DZIP1L: variants seen among roughly 807,000 people sequenced by gnomAD.
DZIP1L encodes the protein DAZ interacting zinc finger protein 1 like.
A neutral mutation model predicts 88.7 loss-of-function variants in DZIP1L; 90 were observed. The ratio of observed to expected loss-of-function variants is 1.02; its 90% CI spans 0.86 to 1.21. The LOEUF is 1.21. Among genes scored for constraint, DZIP1L ranks in the 50% most tolerant of loss-of-function variants. The pLI is 0.00. For missense variants in DZIP1L, 932 were observed against 955.8 expected, an observed-to-expected ratio of 0.98 and a Z score of 0.33; for synonymous variants, 363 against 372.1, an observed-to-expected ratio of 0.98 and a Z score of 0.28.
chr3:138,077,670 C>T, intron 10 of DZIP1L, 38 bp from the exon 11 acceptor site: 1 of 1,609,626 alleles, frequency 6.2e-7, no homozygotes, highest in Non-Finnish European at 8.5e-7. Flanking sequence ...AGCCTGGGCA[C>T]CTGAGTTCTC....
chr3:138,091,504 G>C (rs1304486090), intron 5 of DZIP1L, among the ~76,000 whole-genome samples: 2 of 151,546 alleles, frequency 1.3e-5, no homozygotes, highest in Admixed American at 6.6e-5. Flanking sequence ...TGTAATCCCA[G>C]TTACTCCGGA....
intron 12 of DZIP1L, among the ~76,000 whole-genome samples, chr3:138,068,652 A>G (rs1034299798): frequency 6.6e-6 from 1 of 152,128 alleles, no homozygotes; most frequent in African/African-American, 2.4e-5. Flanking sequence ...GCGGGCCTGA[A>G]GAGGGGCTCA....
intron 7 of DZIP1L, among the ~76,000 whole-genome samples, chr3:138,085,208 T>C (rs1258617103): frequency 6.6e-6 from 1 of 152,232 alleles, no homozygotes; most frequent in African/African-American, 2.4e-5. Flanking sequence ...AAGGACTTCA[T>C]GTCTAAAACA....
chr3:138,101,610 G>A, intron 2 of DZIP1L: 1 of 796,516 alleles, frequency 1.3e-6, no homozygotes, highest in African/African-American at 1.7e-5. Context: ...AGCCAAAGCT[G>A]GAGCCCAGGC....
Position 138,102,304 on chromosome 3 carries a change from T to C in DZIP1L, c.501+1167A>G, listed in dbSNP as rs902078828. 8.6e-6 allele frequency: 12 copies of C among 1,389,274 alleles called. No homozygotes were observed. The African/African-American group carries it at 1.1e-4, about 13-fold the overall frequency. 86.1% of individuals were successfully genotyped at this position (1,389,274 alleles called of 1,614,324 possible). A position where few individuals can be genotyped will look rare whatever the true frequency, so the allele number is the denominator to read the frequency against. On this transcript the variant is annotated intron_variant, in intron 2 of 15. Coordinates refer to ENST00000327532, the MANE Select transcript of DZIP1L (RefSeq NM_173543.3). ...CGAGACTCCAGCTCTACCTTATTCATGTAAGCTTCATCCACATCTTTCTCG... is the reference window on the plus strand; with the variant it reads ...CGAGACTCCAGCTCTACCTTATTCACGTAAGCTTCATCCACATCTTTCTCG...
chr3:138,102,491 A>G, intron 2 of DZIP1L: 1 of 1,349,416 alleles, frequency 7.4e-7, no homozygotes. Flanking sequence ...TTGTTGATGT[A>G]GCTCTGAACA....
intron 5 of DZIP1L, among the ~76,000 whole-genome samples, chr3:138,090,277 A>G (rs116341213): frequency 0.019 from 2,907 of 152,310 alleles, 97 homozygotes; most frequent in African/African-American, 0.066. Context: ...ACCAAAACTC[A>G]TAATTTTCTG....
intron 11 of DZIP1L, among the ~76,000 whole-genome samples, chr3:138,074,824 C>T (rs1943331605): frequency 6.6e-6 from 1 of 151,140 alleles, no homozygotes; most frequent in African/African-American, 2.4e-5. Flanking sequence ...ATGTAAATGG[C>T]CTAAATATTC....
chr3:138,091,558 C>T (rs1156607167), intron 5 of DZIP1L, among the ~76,000 whole-genome samples: 2 of 144,742 alleles, frequency 1.4e-5, no homozygotes, highest in Non-Finnish European at 3.0e-5. Flanking sequence ...ACGGAAGTTG[C>T]GGTGAGCCGA....
intron 13 of DZIP1L, 79 bp from the exon 14 acceptor site, chr3:138,067,779 A>G (rs1234844565): frequency 1.4e-6 from 2 of 1,453,766 alleles, no homozygotes; most frequent in Non-Finnish European, 9.1e-7. Context: ...CCACGCTTCA[A>G]GCTGGTTTGG....
chr3:138,068,425 A>T, intron 12 of DZIP1L, 58 bp from the exon 13 acceptor site: 1 of 1,348,164 alleles, frequency 7.4e-7, no homozygotes, highest in Middle Eastern at 1.9e-4. Flanking sequence ...CTCAAGCCTA[A>T]GAGGAGGGAG....
chr3:138,067,550 C>A lies in DZIP1L; in HGVS notation c.1983G>T (p.Gln661His). ...SDTETSEENA[Q>H]PPGQGSGTLV... is the part of the protein sequence containing the mutation. Reference sequence around the variant, plus strand: ...GCTCACCTGAGCCCTGGCCAGGGGGCTGGGCATTCTCCTCCGAGGTCTCTG... The same window carrying A: ...GCTCACCTGAGCCCTGGCCAGGGGGATGGGCATTCTCCTCCGAGGTCTCTG... Residue 661 changes from glutamine to histidine, a missense_variant, in exon 14 of 16, where the codon CAG (glutamine) becomes CAT (histidine). Physicochemically the swap from Gln to His is conservative, Grantham distance 24. Coordinates refer to ENST00000327532, the MANE Select transcript of DZIP1L (RefSeq NM_173543.3). The A allele has an allele frequency of 3.7e-6, 6 of 1,608,154 alleles. No individual in the cohort carries two copies. Among genetic ancestry groups the A allele is most frequent in the Non-Finnish European group, 5.1e-6 (6 of 1,177,496 alleles).
intron 2 of DZIP1L, chr3:138,101,928 G>A (rs1416702879): frequency 9.5e-6 from 14 of 1,477,336 alleles, no homozygotes; most frequent in South Asian, 3.4e-5. Flanking sequence ...CGGCATCTGC[G>A]ATGCCCTCTG....
In DZIP1L at chr3:138,092,127, G is replaced by A. The variant is rs532669096; in HGVS notation, c.870+256C>T. ...ATGTACTAATTTAACCCTCTCAGTA[G>A]CCTATCTTACAGAAATAAAACTGAG... On this transcript the variant is annotated intron_variant, in intron 5 of 15. Coordinates refer to ENST00000327532, the MANE Select transcript of DZIP1L (RefSeq NM_173543.3). 2.1e-3 allele frequency among the ~76,000 whole-genome samples: 314 copies of A among 150,396 alleles called. 2 individuals are homozygous for A. Among genetic ancestry groups the A allele is most frequent in the Non-Finnish European group, 3.2e-3 (214 of 67,800 alleles).
rs1052941078 is a variant in DZIP1L at position 138,094,991 on chromosome 3, G to A, written c.587-8C>T. ...CCTGTTTCTTCTGTTTTCCTGTGGG[G>A]TCCACGCAAAGACAGGTGACCAGTT... On this transcript the variant is annotated splice_region_variant and splice_polypyrimidine_tract_variant and intron_variant, in intron 3 of 15. Transcript: ENST00000327532. 6.2e-7 allele frequency: 1 copy of A among 1,614,174 alleles called. No individual in the cohort carries two copies. Among genetic ancestry groups the A allele is most frequent in the Non-Finnish European group, 8.5e-7 (1 of 1,180,030 alleles).
intron 1 of DZIP1L, among the ~76,000 whole-genome samples, chr3:138,115,091 C>T (rs1276903086): frequency 6.6e-6 from 1 of 152,100 alleles, no homozygotes; most frequent in African/African-American, 2.4e-5. Context: ...CGCCGCAGTT[C>T]GGAGCAGGCC....
At chr3:138,068,110 A>T (rs760777905) in intron 13 of DZIP1L, 41 bp downstream of exon 13, 20 of 1,439,044 alleles carry the variant, frequency 1.4e-5, no homozygotes, top group Admixed American at 2.6e-5. Context: ...TCCAGGAGCC[A>T]CCACTGCAGG....
intron 2 of DZIP1L, chr3:138,102,332 G>T: frequency 7.8e-7 from 1 of 1,286,432 alleles, no homozygotes. Flanking sequence ...CTTTCTCGAT[G>T]AAGGCAAATT....
chr3:138,101,066 A>G (rs1001719954), intron 2 of DZIP1L, among the ~76,000 whole-genome samples: 1 of 152,098 alleles, frequency 6.6e-6, no homozygotes, highest in African/African-American at 2.4e-5. Flanking sequence ...CCTCCATCAT[A>G]TATAAATATG....
Sources: allele counts gnomAD v4.1 joint callset (sites outside exome capture counted in the v4.1 genomes callset), GRCh38; gene constraint gnomAD v4.1.1; transcripts MANE v1.5; gene names NCBI Gene and HGNC (gene_info 2026-07-23, HGNC 2026-07-21).